Variants in ADAM18 observed in about 807,000 individuals in gnomAD.
The protein encoded by ADAM18 is disintegrin and metalloproteinase domain-containing protein 18.
Under a neutral mutation model 94.4 loss-of-function variants are expected in ADAM18, and 117 were observed. The ratio of observed to expected loss-of-function variants is 1.24; its 90% CI spans 1.07 to 1.45. The LOEUF (loss-of-function observed/expected upper bound fraction) is 1.45. ADAM18 is among the 40% of genes most tolerant of loss of function. The probability of loss-of-function intolerance (pLI) is 0.00; values close to 1 mark genes in which losing one functional copy is unlikely to be tolerated. For missense variants in ADAM18, 936 were observed against 880.0 expected (o/e 1.06, Z -0.81); for synonymous variants, 327 against 291.6 (o/e 1.12, Z -1.24).
rs141932778 is a variant in ADAM18, at chr8:39,630,358, A to G, written c.588+919A>G. ...ATAATTATGAGGCACTACGTACATT[A>G]TGTATGTGTGTATATAAGTTATATA... On this transcript the variant is annotated intron_variant, in intron 7 of 19. Coordinates refer to ENST00000265707, the MANE Select transcript of ADAM18 (RefSeq NM_014237.3). 1.3e-3 allele frequency among the ~76,000 whole-genome samples: 200 copies of G among 151,466 alleles called. 1 individual carries two copies. The highest frequency in any genetic ancestry group is 4.6e-3 in the African/African-American group (190 of 41,424).
chr8:39,689,881 G>A (rs1289282963), intron 16 of ADAM18, among the ~76,000 whole-genome samples: 3 of 152,090 alleles, frequency 2.0e-5, no homozygotes, highest in Non-Finnish European at 2.9e-5. Flanking sequence ...TTTGAGCAGC[G>A]TTTTGTAGCT....
At chr8:39,711,717 G>A (rs1409725559) in intron 18 of ADAM18, among the ~76,000 whole-genome samples, 1 of 151,928 alleles carries the variant, frequency 6.6e-6, no homozygotes, top group Admixed American at 6.6e-5. Flanking sequence ...CTGAGGACCA[G>A]AAAGCAAAAA....
intron 14 of ADAM18, among the ~76,000 whole-genome samples, chr8:39,676,889 C>G (rs1821317453): frequency 1.3e-5 from 2 of 152,194 alleles, no homozygotes; most frequent in African/African-American, 2.4e-5. Flanking sequence ...TAAGTTTACT[C>G]TGTTTCCCTC....
intron 1 of ADAM18, 41 bp downstream of exon 1, chr8:39,584,718 A>T: frequency 6.2e-7 from 1 of 1,602,728 alleles, no homozygotes; most frequent in Non-Finnish European, 8.5e-7. Context: ...TCGACTTTAT[A>T]GCTGGGCTGG....
chr8:39,699,371 T>C (rs1822004729), intron 17 of ADAM18, among the ~76,000 whole-genome samples: 1 of 152,108 alleles, frequency 6.6e-6, no homozygotes. Context: ...GAATTATTTT[T>C]TATTATTTAA....
At chr8:39,623,021 C>T (rs1819657966) in intron 6 of ADAM18, among the ~76,000 whole-genome samples, 1 of 152,110 alleles carries the variant, frequency 6.6e-6, no homozygotes, top group African/African-American at 2.4e-5. Context: ...ATCCCTCACT[C>T]CCCCTCTCAC....
intron 6 of ADAM18, among the ~76,000 whole-genome samples, chr8:39,618,751 C>G (rs2129578742): frequency 6.6e-6 from 1 of 152,260 alleles, no homozygotes; most frequent in South Asian, 2.1e-4. Flanking sequence ...TTTATAGACT[C>G]CCGCAAGGGT....
In ADAM18 at chr8:39,610,546, A is replaced by C; in HGVS notation, c.362A>C (p.Glu121Ala). 6.2e-7 allele frequency: 1 copy of C among 1,605,996 alleles called. No individual in the cohort carries two copies. The highest frequency in any genetic ancestry group is 8.5e-7 in the Non-Finnish European group (1 of 1,176,024). Residue 121 changes from glutamate to alanine, a missense_variant, in exon 6 of 20, where the codon GAA becomes GCA. Coordinates refer to ENST00000265707, the MANE Select transcript of ADAM18 (RefSeq NM_014237.3). ...ATTTTCAGGGGATTTCTCCAGTTTG[A>C]AAATATCAGTTATGGAATTGAACCA... ...CSGLRGFLQF[E>A]NISYGIEPVE...
At position 39,729,836 on chromosome 8, in the gene ADAM18, G is replaced by A. The variant is rs1823023549; in HGVS notation, c.2178-62G>A. 2.0e-5 allele frequency: 27 copies of A among 1,347,660 alleles called. No individual in the cohort carries two copies. In the South Asian group the frequency reaches 2.5e-4, roughly 13 times the overall value. The allele number at this position is 1,347,660 out of a possible 1,614,324, so 83.5% of individuals were successfully genotyped here. On this transcript the variant is annotated intron_variant, in intron 19 of 19. Coordinates refer to ENST00000265707, the MANE Select transcript of ADAM18 (RefSeq NM_014237.3). ...TCAGTAGTAAATATGGTTTAAAATA[G>A]GCAATTGGCTACTACTAAACATATT...
At position 39,677,435 on chromosome 8, in the gene ADAM18, TCAAGGTGCTC is replaced by T; in HGVS notation, c.1533_1542del (p.Gln511HisfsTer38). On this transcript the variant is annotated frameshift_variant, in exon 15 of 20. Transcript: ENST00000265707. LOFTEE classifies it high-confidence loss of function. ...CTGACATGTTTGCATTTTAAGGTGC[TCAAGGTGCTC>T]CATTTGCCTGTTTTAAAGAAGTTAA... The T allele has an allele frequency of 6.2e-7, 1 of 1,605,040 alleles. No individual in the cohort carries two copies. The highest frequency in any genetic ancestry group is 2.2e-5 in the East Asian group (1 of 44,518).
chr8:39,610,476 G>A, intron 5 of ADAM18, 53 bp from the exon 6 acceptor site: 1 of 1,501,520 alleles, frequency 6.7e-7, no homozygotes, highest in Non-Finnish European at 8.9e-7. Context: ...CATTTTGAAG[G>A]GATCATTTGT....
At chr8:39,633,245 TG>T (rs1233688550) in intron 7 of ADAM18, among the ~76,000 whole-genome samples, 3 of 151,764 alleles carry the variant, frequency 2.0e-5, no homozygotes, top group African/African-American at 7.3e-5. Context: ...GTATCAGGAG[TG>T]GGTGTTGCCA....
intron 16 of ADAM18, among the ~76,000 whole-genome samples, chr8:39,686,057 C>T (rs1309106350): frequency 1.3e-5 from 2 of 152,158 alleles, no homozygotes; most frequent in Non-Finnish European, 2.9e-5. Flanking sequence ...GAGGTTTTCT[C>T]TAAAGCTGTC....
intron 17 of ADAM18, among the ~76,000 whole-genome samples, chr8:39,698,794 T>G (rs1485504534): frequency 1.3e-5 from 2 of 152,060 alleles, no homozygotes; most frequent in African/African-American, 4.8e-5. Context: ...GTTCATAGCT[T>G]TATAAATCTA....
chr8:39,690,568 T>C (rs112775200), intron 16 of ADAM18, among the ~76,000 whole-genome samples: 7 of 152,312 alleles, frequency 4.6e-5, no homozygotes, highest in African/African-American at 1.7e-4. Flanking sequence ...TTTCTACCCA[T>C]TTTCAAGTGG....
chr8:39,651,179 C>T (rs1156812898), intron 12 of ADAM18, among the ~76,000 whole-genome samples: 1 of 152,218 alleles, frequency 6.6e-6, no homozygotes, highest in Non-Finnish European at 1.5e-5. Flanking sequence ...GTCTCACCTC[C>T]AGCCCTAAGG....
chr8:39,665,191 A>T lies in ADAM18; in HGVS notation c.1326+1301A>T, dbSNP rs1820964124. ...ATTATCACATAAATTGAATCATACA[A>T]TATGTGCAAATGTGAAGCAGGCATC... On this transcript the variant is annotated intron_variant, in intron 13 of 19. Transcript: ENST00000265707. Among the ~76,000 whole-genome samples the T allele has an allele frequency of 2.6e-5, 4 of 152,180 alleles. No individual in the cohort carries two copies. The South Asian group carries it at 8.3e-4, about 32-fold the overall frequency.
chr8:39,633,449 T>C (rs1243703329), intron 7 of ADAM18, among the ~76,000 whole-genome samples: 4 of 152,066 alleles, frequency 2.6e-5, no homozygotes, highest in Non-Finnish European at 5.9e-5. Context: ...TTATGAACAG[T>C]TTTTAGAAAT....
At chr8:39,637,446 A>C in intron 8 of ADAM18, 91 bp from the exon 9 acceptor site, 1 of 1,405,874 alleles carries the variant, frequency 7.1e-7, no homozygotes, top group South Asian at 1.4e-5. Flanking sequence ...TTTAATACTG[A>C]AAATACTGGA....
Sources: gnomAD v4.1 joint callset for allele counts (sites outside exome capture counted in the v4.1 genomes callset) on GRCh38, gnomAD v4.1.1 for gene constraint, MANE v1.5 for transcripts, NCBI Gene and HGNC (gene_info 2026-07-23, HGNC 2026-07-21) for gene names.